FARP1: variants seen among roughly 807,000 people sequenced by gnomAD.
FARP1 encodes FERM, ARH/RhoGEF and pleckstrin domain protein 1.
In FARP1, 52 loss-of-function variants were observed where a neutral mutation model predicts 128.8. The ratio of observed to expected loss-of-function variants is 0.40; its 90% CI spans 0.32 to 0.51. The LOEUF (loss-of-function observed/expected upper bound fraction) is 0.51. FARP1 is among the 20% of genes least tolerant of loss of function. The pLI is 0.45. For missense variants in FARP1, 1,333 were observed against 1,367.9 expected (o/e 0.97, Z 0.40); for synonymous variants, 580 against 551.8 (o/e 1.05, Z -0.72).
At chr13:98,443,352 C>T (rs555308774) in intron 24 of FARP1, among the ~76,000 whole-genome samples, 4 of 152,312 alleles carry the variant, frequency 2.6e-5, no homozygotes, top group East Asian at 3.9e-4. Flanking sequence ...TGCAGATGTC[C>T]CTCCTTGCCA....
chr13:98,224,113 A>T (rs1881595948), intron 2 of FARP1, among the ~76,000 whole-genome samples: 1 of 152,234 alleles, frequency 6.6e-6, no homozygotes, highest in Non-Finnish European at 1.5e-5. Flanking sequence ...TTGCAGAGCA[A>T]GACCAGAGGG....
chr13:98,384,658 T>C (rs974012830), intron 6 of FARP1, 72 bp from the exon 7 acceptor site: 2 of 897,598 alleles, frequency 2.2e-6, no homozygotes, highest in Non-Finnish European at 3.7e-6. Context: ...TCTGTTTGGC[T>C]CACTGGGGAA....
rs374509460 is a variant in FARP1, at chr13:98,241,926, G to GCAA, written c.171+28529_171+28531dup. Among the ~76,000 whole-genome samples the GCAA allele has an allele frequency of 3.4e-3, 522 of 151,924 alleles. 3 individuals are homozygous for GCAA. The highest frequency in any genetic ancestry group is 0.011 in the African/African-American group (464 of 41,442). On this transcript the variant is annotated intron_variant, in intron 2 of 26. Transcript: ENST00000319562. ...AGATTGAGACTCTGTCTAAACAACA[G>GCAA]CAACAACAACAACAACAAAACTTAA...
intron 1 of FARP1, among the ~76,000 whole-genome samples, chr13:98,151,060 T>TTTTTTTTTTTTTTTTTTTG (rs1479150820): frequency 1.3e-5 from 2 of 151,512 alleles, no homozygotes; most frequent in South Asian, 2.1e-4. Flanking sequence ...TCACAGGTCT[T>TTTTTTTTTTTTTTTTTTTG]AAACGGTGTG....
intron 1 of FARP1, among the ~76,000 whole-genome samples, chr13:98,151,836 A>G (rs1458794470): frequency 6.6e-6 from 1 of 151,356 alleles, no homozygotes; most frequent in African/African-American, 2.4e-5. Context: ...TAATTTTTGT[A>G]TTTTTAGTAG....
intron 2 of FARP1, among the ~76,000 whole-genome samples, chr13:98,259,721 T>C (rs1193112705): frequency 2.0e-5 from 3 of 152,164 alleles, no homozygotes; most frequent in East Asian, 1.9e-4. Context: ...GCTTGACTTA[T>C]TGCATGCTTG....
chr13:98,225,700 A>G (rs1010018182), intron 2 of FARP1, among the ~76,000 whole-genome samples: 1 of 152,226 alleles, frequency 6.6e-6, no homozygotes, highest in Non-Finnish European at 1.5e-5. Context: ...GACACTGCCA[A>G]CAGCCCTCCG....
At chr13:98,153,285 AAAATATATATAAATATAT>A in intron 1 of FARP1, among the ~76,000 whole-genome samples, 1 of 36,662 alleles carries the variant, frequency 2.7e-5, no homozygotes, top group Admixed American at 5.4e-4. Context: ...ATATATATAT[AAAATATATATAAATATAT>A]TTATATATAA....
chr13:98,168,903 C>G (rs1363828491), intron 1 of FARP1, among the ~76,000 whole-genome samples: 1 of 152,176 alleles, frequency 6.6e-6, no homozygotes, highest in South Asian at 2.1e-4. Context: ...GCTGGACTCA[C>G]CCAATGTGGT....
At chr13:98,378,609 A>G (rs1889693157) in intron 6 of FARP1, among the ~76,000 whole-genome samples, 1 of 151,998 alleles carries the variant, frequency 6.6e-6, no homozygotes, top group East Asian at 1.9e-4. Context: ...CACCTTTTAC[A>G]TTTCCACTGT....
At chr13:98,288,090 G>A (rs1217389030) in intron 2 of FARP1, among the ~76,000 whole-genome samples, 2 of 152,072 alleles carry the variant, frequency 1.3e-5, no homozygotes, top group Non-Finnish European at 2.9e-5. Flanking sequence ...GTGAGCCTCC[G>A]TACCCGGCCC....
In FARP1 at chr13:98,238,880, G is replaced by T. The variant is rs199652556; in HGVS notation, c.171+25467G>T. Among the ~76,000 whole-genome samples the T allele has an allele frequency of 2.0e-5, 3 of 152,142 alleles. No individual in the cohort carries two copies. The South Asian group carries it at 6.2e-4, about 32-fold the overall frequency. On this transcript the variant is annotated intron_variant, in intron 2 of 26. Coordinates refer to ENST00000319562, the MANE Select transcript of FARP1 (RefSeq NM_005766.4). ...AGTCAAAAGTTCTACTCAGATTTTTGACTGTGGAGGGGGTCTGTGCGCCAA... is the reference window on the plus strand; with the variant it reads ...AGTCAAAAGTTCTACTCAGATTTTTTACTGTGGAGGGGGTCTGTGCGCCAA...
rs1052211863 is a variant in FARP1 at position 98,377,781 on chromosome 13, G to C, written c.399-40G>C. 6 of 1,495,572 alleles carry C rather than the reference G, an allele frequency of 4.0e-6. No homozygotes were observed. The African/African-American group carries it at 8.3e-5, about 21-fold the overall frequency. 92.6% of individuals were successfully genotyped at this position (1,495,572 alleles called of 1,614,324 possible). On this transcript the variant is annotated intron_variant, in intron 5 of 26. Coordinates refer to ENST00000319562, the MANE Select transcript of FARP1 (RefSeq NM_005766.4). ...GAGGCCAGGTTCCCGGTGACCTCCTGCCCTCTTTGCCTGACGCCCAGCTCT... is the reference window on the plus strand; with the variant it reads ...GAGGCCAGGTTCCCGGTGACCTCCTCCCCTCTTTGCCTGACGCCCAGCTCT...
Position 98,446,118 on chromosome 13 carries a change from G to C in FARP1, c.2817G>C (p.Leu939=). The C allele has an allele frequency of 1.9e-6, 3 of 1,613,908 alleles. No homozygotes were observed. Among genetic ancestry groups the C allele is most frequent in the South Asian group, 2.2e-5 (2 of 91,074 alleles). ...IAVENQLSGN[L]LRKFKNSNGW... is the part of the protein sequence containing the mutation. ...TTCAGAATCAGTTGTCTGGAAACCT[G>C]CTGAGGAAATTCAAAAACAGCAACG... The change falls in exon 25 of 27, where the codon CTG becomes CTC. Residue 939 remains leucine, a synonymous_variant. Transcript: ENST00000319562.
intron 16 of FARP1, among the ~76,000 whole-genome samples, chr13:98,418,906 T>G (rs773815731): frequency 1.9e-4 from 29 of 152,196 alleles, no homozygotes; most frequent in Non-Finnish European, 3.5e-4. Flanking sequence ...CTTATTCAAT[T>G]CGACCTGGTG....
chr13:98,213,501 A>G, intron 2 of FARP1, 88 bp downstream of exon 2: 1 of 1,372,864 alleles, frequency 7.3e-7, no homozygotes, highest in Non-Finnish European at 1.0e-6. Flanking sequence ...ATGGCCAGTG[A>G]CATGAGGCGG....
chr13:98,247,056 G>A (rs1295023154), intron 2 of FARP1, among the ~76,000 whole-genome samples: 3 of 152,192 alleles, frequency 2.0e-5, no homozygotes, highest in Non-Finnish European at 4.4e-5. Context: ...GTGAAACCAC[G>A]TCTCTACTAA....
intron 3 of FARP1, among the ~76,000 whole-genome samples, chr13:98,350,164 A>G (rs1888354626): frequency 1.3e-5 from 2 of 152,136 alleles, no homozygotes; most frequent in Admixed American, 1.3e-4. Flanking sequence ...CTGTGTTGAC[A>G]GGCAGGTCCC....
intron 2 of FARP1, among the ~76,000 whole-genome samples, chr13:98,305,894 C>T (rs1213184918): frequency 6.6e-6 from 1 of 151,554 alleles, no homozygotes; most frequent in East Asian, 1.9e-4. Context: ...TCTTCATTGG[C>T]CAGTTTCCCT....
Sources: gnomAD v4.1 joint callset for allele counts (sites outside exome capture counted in the v4.1 genomes callset) on GRCh38, gnomAD v4.1.1 for gene constraint, MANE v1.5 for transcripts, NCBI Gene and HGNC (gene_info 2026-07-23, HGNC 2026-07-21) for gene names.